FBLN1: variants seen among roughly 807,000 people sequenced by gnomAD.
The protein encoded by FBLN1 is fibulin-1.
In FBLN1, 34 loss-of-function variants were observed where a neutral mutation model predicts 89.7. The ratio of observed to expected loss-of-function variants is 0.38; its 90% CI spans 0.29 to 0.50. The LOEUF is 0.50. Among genes scored for constraint, FBLN1 ranks in the 20% least tolerant of loss-of-function variants. The pLI is 0.92. For missense variants in FBLN1, 777 were observed against 988.1 expected (o/e 0.79, Z 2.86); for synonymous variants, 393 against 391.3 (o/e 1.00, Z -0.05).
At chr22:45,559,900 C>T (rs541504140) in intron 14 of FBLN1, among the ~76,000 whole-genome samples, 91 of 152,322 alleles carry the variant, frequency 6.0e-4, no homozygotes, top group East Asian at 5.6e-3. Flanking sequence ...CCCGCCTCCC[C>T]TTCATTCAAG....
At chr22:45,523,709 C>CA (rs1171427901) in intron 2 of FBLN1, among the ~76,000 whole-genome samples, 1 of 152,016 alleles carries the variant, frequency 6.6e-6, no homozygotes, top group Non-Finnish European at 1.5e-5. Context: ...ATCTCAAAAA[C>CA]AAAACAAAAC....
chr22:45,527,835 CTG>C lies in FBLN1; in HGVS notation c.322-8_322-7del. On this transcript the variant is annotated splice_polypyrimidine_tract_variant and intron_variant, in intron 3 of 16. Coordinates refer to ENST00000327858, the MANE Select transcript of FBLN1 (RefSeq NM_006486.3). ...CCGCTCCTCCATCTGGGATCTCCAC[CTG>C]TGTTTGCAGAGGTGCTGCCATTGCT... 13 of 1,613,634 alleles carry C rather than the reference CTG, an allele frequency of 8.1e-6. No individual in the cohort carries two copies. The highest frequency in any genetic ancestry group is 1.1e-5 in the Non-Finnish European group (13 of 1,180,030).
intron 1 of FBLN1, among the ~76,000 whole-genome samples, chr22:45,507,153 G>A (rs1362533332): frequency 1.3e-5 from 2 of 152,212 alleles, no homozygotes; most frequent in East Asian, 3.9e-4. Context: ...GCGAGGAGCG[G>A]GGCTGGGGCT....
rs1056971282 is a variant in FBLN1, at chr22:45,581,952, G to T, written c.1972+4844G>T. Among the ~76,000 whole-genome samples, 2 of 152,146 alleles carry T rather than the reference G, an allele frequency of 1.3e-5. No individual in the cohort carries two copies. The highest frequency in any genetic ancestry group is 1.5e-5 in the Non-Finnish European group (1 of 68,022). ...GCCAGGCCTTGGTGGATGCTGTCCT[G>T]GGGACCACGGGAGCCACGGGAGGTC... On this transcript the variant is annotated intron_variant, in intron 16 of 16. Coordinates refer to ENST00000327858, the MANE Select transcript of FBLN1 (RefSeq NM_006486.3). This position sits in a 1 kb window ranked among gnomAD's most constrained non-coding sequence, Gnocchi z 7.6.
At position 45,533,073 on chromosome 22, in the gene FBLN1, C is replaced by T; in HGVS notation, c.555C>T (p.Pro185=). Residue 185 remains proline, a synonymous_variant, in exon 6 of 17, where the codon CCC becomes CCT. Coordinates refer to ENST00000327858, the MANE Select transcript of FBLN1 (RefSeq NM_006486.3). ...ACGCTGTGCTTCCAGGAGGCGGGCC[C>T]TGCAAGCAGCAGTGCCGAGACACGG... ...YLNDRCRGGG[P]CKQQCRDTGD... is the part of the protein sequence containing the mutation. The T allele has an allele frequency of 6.2e-7, 1 of 1,614,178 alleles. No individual in the cohort carries two copies. Among genetic ancestry groups the T allele is most frequent in the Non-Finnish European group, 8.5e-7 (1 of 1,180,004 alleles).
chr22:45,598,660 C>T (rs750091844), intron 16 of FBLN1, among the ~76,000 whole-genome samples: 10 of 152,220 alleles, frequency 6.6e-5, no homozygotes, highest in African/African-American at 1.4e-4. Flanking sequence ...TCCTAGATCT[C>T]CCACCAGCTT....
In FBLN1 at chr22:45,583,747, C is replaced by T. The variant is rs2089061182; in HGVS notation, c.1972+6639C>T. On this transcript the variant is annotated intron_variant, in intron 16 of 16. Coordinates refer to ENST00000327858, the MANE Select transcript of FBLN1 (RefSeq NM_006486.3). The surrounding 1 kb of genome is among the most constrained non-coding windows in gnomAD (Gnocchi z 4.5). Reference sequence around the variant, plus strand: ...ACAGGTCCTAGAGAGGTGGGGAGCACCCCTTGCAGGGCCAATGGGAAGGGG... The same window carrying T: ...ACAGGTCCTAGAGAGGTGGGGAGCATCCCTTGCAGGGCCAATGGGAAGGGG... 6.6e-6 allele frequency among the ~76,000 whole-genome samples: 1 copy of T among 152,048 alleles called. No individual in the cohort carries two copies. The highest frequency in any genetic ancestry group is 2.4e-5 in the African/African-American group (1 of 41,382).
At chr22:45,519,598 T>C (rs559306919) in intron 2 of FBLN1, among the ~76,000 whole-genome samples, 1 of 136,284 alleles carries the variant, frequency 7.3e-6, no homozygotes, top group South Asian at 2.3e-4. Flanking sequence ...CATTTCAGTC[T>C]GGGCAACAAC....
intron 8 of FBLN1, among the ~76,000 whole-genome samples, chr22:45,540,419 T>C (rs2088540111): frequency 6.6e-6 from 1 of 152,190 alleles, no homozygotes; most frequent in Non-Finnish European, 1.5e-5. Flanking sequence ...GAGGGTGGAC[T>C]TGGCTGGCAG....
rs903632705 is a variant in FBLN1 at position 45,577,465 on chromosome 22, C to T, written c.1972+357C>T. 7.9e-5 allele frequency among the ~76,000 whole-genome samples: 12 copies of T among 152,222 alleles called. No homozygotes were observed. The highest frequency in any genetic ancestry group is 1.2e-4 in the Non-Finnish European group (8 of 68,038). On this transcript the variant is annotated intron_variant, in intron 16 of 16. Coordinates refer to ENST00000327858, the MANE Select transcript of FBLN1 (RefSeq NM_006486.3). The surrounding 1 kb of genome is among the most constrained non-coding windows in gnomAD (Gnocchi z 6.6). The stretch of plus-strand genomic sequence containing the variant: ...AAAGTGCTTGTCCTGAGGGCTGGCA[C>T]AGTCCCGCGGTCGGTGGGAGCTAAG...
chr22:45,519,202 G>C (rs976931926), intron 2 of FBLN1, among the ~76,000 whole-genome samples: 3 of 152,230 alleles, frequency 2.0e-5, no homozygotes, highest in South Asian at 4.1e-4. Flanking sequence ...GGCGCAGAGT[G>C]AAGCGTTCCA....
chr22:45,506,015 T>C (rs1383381326), intron 1 of FBLN1, among the ~76,000 whole-genome samples: 3 of 152,218 alleles, frequency 2.0e-5, no homozygotes, highest in Admixed American at 6.5e-5. Flanking sequence ...GTGATCCACC[T>C]ACCTCGGCCT....
intron 14 of FBLN1, among the ~76,000 whole-genome samples, chr22:45,567,695 CA>C (rs2147018845): frequency 6.6e-6 from 1 of 152,038 alleles, no homozygotes; most frequent in South Asian, 2.1e-4. Context: ...AGATCCCAAC[CA>C]AAAAACACCC....
intron 16 of FBLN1, among the ~76,000 whole-genome samples, chr22:45,582,188 C>G (rs1385628830): frequency 6.6e-6 from 1 of 152,212 alleles, no homozygotes; most frequent in African/African-American, 2.4e-5. Flanking sequence ...ATCCCCATGG[C>G]CTATGTTAAG....
intron 16 of FBLN1, among the ~76,000 whole-genome samples, chr22:45,589,929 A>G (rs2089121876): frequency 6.6e-6 from 1 of 152,170 alleles, no homozygotes; most frequent in Non-Finnish European, 1.5e-5. Context: ...CCATGACACC[A>G]GTTCCCGGTT....
intron 16 of FBLN1, among the ~76,000 whole-genome samples, chr22:45,586,476 G>A (rs1008006985): frequency 3.3e-5 from 5 of 152,226 alleles, no homozygotes; most frequent in Non-Finnish European, 7.3e-5. Context: ...CCACATCTGC[G>A]GTGTCACCGT....
At chr22:45,568,433 CCTT>C (rs149532648) in intron 14 of FBLN1, among the ~76,000 whole-genome samples, 2 of 68,672 alleles carry the variant, frequency 2.9e-5, no homozygotes, top group African/African-American at 1.5e-4. Context: ...GGGGAGTGCT[CCTT>C]CTGTAGGGGA....
intron 8 of FBLN1, among the ~76,000 whole-genome samples, chr22:45,538,939 T>G (rs2088517962): frequency 6.6e-6 from 1 of 152,194 alleles, no homozygotes; most frequent in Non-Finnish European, 1.5e-5. Flanking sequence ...GCCCCTATCA[T>G]GCATGGAGAA....
rs2088484847 is a variant in FBLN1 at position 45,536,573 on chromosome 22, T to C, written c.922+1236T>C. On this transcript the variant is annotated intron_variant, in intron 8 of 16. Coordinates refer to ENST00000327858, the MANE Select transcript of FBLN1 (RefSeq NM_006486.3). This position sits in a 1 kb window ranked among gnomAD's most constrained non-coding sequence, Gnocchi z 5.1. ...TGAGGTCAGGAGTTTGAGACCAGCCTGACCAATATAGTGAAACCCCATCTC... is the reference window on the plus strand; with the variant it reads ...TGAGGTCAGGAGTTTGAGACCAGCCCGACCAATATAGTGAAACCCCATCTC... 6.6e-6 allele frequency among the ~76,000 whole-genome samples: 1 copy of C among 152,094 alleles called. No individual in the cohort carries two copies. Among genetic ancestry groups the C allele is most frequent in the South Asian group, 2.1e-4 (1 of 4,830 alleles).
Sources: gnomAD v4.1 joint callset for allele counts (sites outside exome capture counted in the v4.1 genomes callset) on GRCh38, gnomAD v4.1.1 for gene constraint, Gnocchi (gnomAD v3.1) non-coding constraint, MANE v1.5 for transcripts, NCBI Gene and HGNC (gene_info 2026-07-23, HGNC 2026-07-21) for gene names.